Variants in CAMK1D observed in about 807,000 individuals in gnomAD.
The protein encoded by CAMK1D is calcium/calmodulin dependent protein kinase ID, also known as calcium/calmodulin-dependent protein kinase type 1D.
A neutral mutation model predicts 47.7 loss-of-function variants in CAMK1D; 9 were observed. That is an observed-to-expected ratio of 0.19 (90% CI 0.11 to 0.33). The LOEUF (loss-of-function observed/expected upper bound fraction) is 0.33, where lower values mean the gene tolerates loss of function less well. Among genes scored for constraint, CAMK1D ranks in the 10% least tolerant of loss-of-function variants. The pLI, the probability that CAMK1D is intolerant of heterozygous loss-of-function variation, is 1.00. For missense variants in CAMK1D, 291 were observed against 488.7 expected, an observed-to-expected ratio of 0.60 and a Z score of 3.81; for synonymous variants, 184 against 184.9, an observed-to-expected ratio of 0.99 and a Z score of 0.04.
intron 1 of CAMK1D, among the ~76,000 whole-genome samples, chr10:12,492,494 C>CA (rs1564371193): frequency 6.6e-6 from 1 of 151,876 alleles, no homozygotes; most frequent in Admixed American, 6.6e-5. Context: ...CCTGTCTCTA[C>CA]AAAAAATACA....
At chr10:12,756,854 G>C (rs1836251797) in intron 3 of CAMK1D, among the ~76,000 whole-genome samples, 1 of 152,208 alleles carries the variant, frequency 6.6e-6, no homozygotes, top group Non-Finnish European at 1.5e-5. Context: ...CGTGAACCCA[G>C]GGAGCTTGCA....
chr10:12,814,121 C>T, intron 6 of CAMK1D, 74 bp from the exon 7 acceptor site: 1 of 981,196 alleles, frequency 1.0e-6, no homozygotes. Flanking sequence ...AATGTCTCTT[C>T]CTTCCAGGCA....
At position 12,741,383 on chromosome 10, in the gene CAMK1D, A is replaced by G. The variant is rs543452570; in HGVS notation, c.300-19565A>G. ...AAATGCATCTCGCAGTCCTTACAGGACAGCCAGAAAGGCACTGACCACGCT... is the reference window on the plus strand; with the variant it reads ...AAATGCATCTCGCAGTCCTTACAGGGCAGCCAGAAAGGCACTGACCACGCT... On this transcript the variant is annotated intron_variant, in intron 3 of 10. Transcript: ENST00000619168. Among the ~76,000 whole-genome samples, 4 of 152,326 alleles carry G rather than the reference A, an allele frequency of 2.6e-5. No individual in the cohort carries two copies. In the South Asian group the frequency reaches 8.3e-4, roughly 32 times the overall value.
chr10:12,692,812 C>G (rs1035583267), intron 3 of CAMK1D, among the ~76,000 whole-genome samples: 6 of 152,162 alleles, frequency 3.9e-5, no homozygotes, highest in African/African-American at 1.4e-4. Flanking sequence ...CATTGATTCT[C>G]TGACCACACA....
Position 12,814,329 on chromosome 10 carries a change from C to A in CAMK1D, c.754+22C>A, listed in dbSNP as rs753518374. On this transcript the variant is annotated intron_variant, in intron 7 of 10. Transcript: ENST00000619168. ...TCTGGTAGGTCTCCCATAGGCAGCT[C>A]CCAGTGGGCGGCCCCCGCGACACTT... The A allele has an allele frequency of 4.0e-6, 6 of 1,505,586 alleles. No individual in the cohort carries two copies. In the South Asian group the frequency reaches 4.5e-5, roughly 11 times the overall value. The allele number at this position is 1,505,586 out of a possible 1,614,324, so 93.3% of individuals were successfully genotyped here. A position where few individuals can be genotyped will look rare whatever the true frequency, so the allele number is the denominator to read the frequency against.
rs1833402139 is a variant in CAMK1D at position 12,830,769 on chromosome 10, A to G, written c.*1882A>G. On this transcript the variant is annotated 3_prime_UTR_variant, in exon 11 of 11. Coordinates refer to ENST00000619168, the MANE Select transcript of CAMK1D (RefSeq NM_153498.4). The stretch of plus-strand genomic sequence containing the variant: ...GGGGGTGTCCCGGCAGGTCTGCGTC[A>G]TCACGACCCAGTAACGCTGCTGGCT... 1 of 149,440 alleles carries G rather than the reference A, an allele frequency of 6.7e-6. No individual in the cohort carries two copies. Among genetic ancestry groups the G allele is most frequent in the Admixed American group, 6.7e-5 (1 of 14,948 alleles). The allele number at this position is 149,440 out of a possible 1,614,324, so 9.3% of individuals were successfully genotyped here. A position where few individuals can be genotyped will look rare whatever the true frequency, so the allele number is the denominator to read the frequency against.
At chr10:12,638,727 C>T (rs949815855) in intron 2 of CAMK1D, among the ~76,000 whole-genome samples, 8 of 152,188 alleles carry the variant, frequency 5.3e-5, no homozygotes, top group Admixed American at 1.3e-4. Context: ...CAGGGCTGGC[C>T]GATTGCATCC....
intron 2 of CAMK1D, among the ~76,000 whole-genome samples, chr10:12,595,341 T>TAAAAAAAAAAAA (rs1244575818): frequency 7.0e-3 from 1 of 142 alleles, no homozygotes; most frequent in Non-Finnish European, 0.012. Flanking sequence ...AAACTCCATC[T>TAAAAAAAAAAAA]GAAAAAAAAA....
chr10:12,422,496 G>A (rs17136824), intron 1 of CAMK1D, among the ~76,000 whole-genome samples: 23,695 of 151,984 alleles, frequency 0.16, 1,948 homozygotes, highest in Middle Eastern at 0.25. Flanking sequence ...GCCTGGATAC[G>A]AATGACTGCT....
chr10:12,504,129 C>CTGTG (rs375226417), intron 1 of CAMK1D, among the ~76,000 whole-genome samples: 1,619 of 146,508 alleles, frequency 0.011, 24 homozygotes, highest in African/African-American at 0.025. Context: ...GTGTGTGTGT[C>CTGTG]TGTGTGTGTG....
chr10:12,662,836 A>G (rs944027049), intron 2 of CAMK1D, among the ~76,000 whole-genome samples: 1 of 152,228 alleles, frequency 6.6e-6, no homozygotes, highest in Non-Finnish European at 1.5e-5. Context: ...TCTGTGTGCC[A>G]GTGGTTATGC....
At chr10:12,735,783 C>CTTTTT (rs11373540) in intron 3 of CAMK1D, among the ~76,000 whole-genome samples, 18 of 147,516 alleles carry the variant, frequency 1.2e-4, no homozygotes, top group Admixed American at 1.2e-3. Flanking sequence ...CAGTCAGCAT[C>CTTTTT]TTTTTTTTTT....
At chr10:12,806,427 C>T (rs751333140) in intron 6 of CAMK1D, among the ~76,000 whole-genome samples, 7 of 152,214 alleles carry the variant, frequency 4.6e-5, no homozygotes, top group Non-Finnish European at 7.3e-5. Context: ...CACCTCCTCC[C>T]GGGAGCCTTC....
chr10:12,353,310 C>T (rs1837406646), intron 1 of CAMK1D, among the ~76,000 whole-genome samples: 1 of 152,180 alleles, frequency 6.6e-6, no homozygotes, highest in African/African-American at 2.4e-5. Context: ...GATACGAAGG[C>T]AGGAAAGCCT....
intron 1 of CAMK1D, among the ~76,000 whole-genome samples, chr10:12,545,953 G>A (rs979175102): frequency 5.3e-5 from 8 of 152,164 alleles, no homozygotes; most frequent in African/African-American, 1.9e-4. Context: ...TCAGCGGTGT[G>A]GTTGGGTTGA....
At chr10:12,569,459 C>G (rs887354672) in intron 2 of CAMK1D, among the ~76,000 whole-genome samples, 1 of 151,766 alleles carries the variant, frequency 6.6e-6, no homozygotes, top group Non-Finnish European at 1.5e-5. Context: ...GCCTGTAGTC[C>G]CAGCACTTCG....
chr10:12,361,545 CTTTTT>C (rs36015215), intron 1 of CAMK1D, among the ~76,000 whole-genome samples: 3 of 63,088 alleles, frequency 4.8e-5, no homozygotes, highest in Non-Finnish European at 8.5e-5. Context: ...GTGCCTGGCC[CTTTTT>C]TTTTTTTTTT....
chr10:12,764,029 C>T (rs567260385), intron 4 of CAMK1D, among the ~76,000 whole-genome samples: 2 of 152,264 alleles, frequency 1.3e-5, no homozygotes, highest in East Asian at 1.9e-4. Context: ...TCTCCCCCAC[C>T]GTCTTCCCTC....
intron 1 of CAMK1D, among the ~76,000 whole-genome samples, chr10:12,432,403 T>G (rs1832505094): frequency 6.6e-6 from 1 of 152,218 alleles, no homozygotes; most frequent in Admixed American, 6.5e-5. Flanking sequence ...ACTTTTGCTT[T>G]CCCACCAAAG....
Sources: gnomAD v4.1 joint callset for allele counts (sites outside exome capture counted in the v4.1 genomes callset) on GRCh38, gnomAD v4.1.1 for gene constraint, MANE v1.5 for transcripts, NCBI Gene and HGNC (gene_info 2026-07-23, HGNC 2026-07-21) for gene names.